MACROD2: variants seen among roughly 807,000 people sequenced by gnomAD.
The protein encoded by MACROD2 is ADP-ribose glycohydrolase MACROD2.
A neutral mutation model predicts 70.4 loss-of-function variants in MACROD2; 36 were observed. The observed-to-expected ratio is 0.51, with a 90% CI of 0.39 to 0.68. The LOEUF is 0.68. MACROD2 is among the 30% of genes least tolerant of loss of function. The probability of loss-of-function intolerance (pLI) is 0.00; values close to 1 mark genes in which losing one functional copy is unlikely to be tolerated. For synonymous variants in MACROD2, 172 were observed against 178.8 expected (o/e 0.96, Z 0.30); for missense variants, 496 against 538.4 (o/e 0.92, Z 0.78).
rs2071216585 is a variant in MACROD2 at position 14,702,632 on chromosome 20, TA to T, written c.418+17674del. 4.9e-5 allele frequency among the ~76,000 whole-genome samples: 3 copies of T among 61,306 alleles called. No individual in the cohort carries two copies. The East Asian group carries it at 2.4e-3, about 50-fold the overall frequency. 40.2% of individuals were successfully genotyped at this position (61,306 alleles called of 152,430 possible). The stretch of plus-strand genomic sequence containing the variant: ...ATATGTGTATATATATATACATATA[TA>T]TATGTATATATATATACACATATAT... On this transcript the variant is annotated intron_variant, in intron 5 of 17. Transcript: ENST00000684519.
intron 16 of MACROD2, among the ~76,000 whole-genome samples, chr20:16,042,537 A>C (rs1052971589): frequency 3.3e-5 from 5 of 152,182 alleles, no homozygotes; most frequent in Admixed American, 1.3e-4. Flanking sequence ...AACAAGATTT[A>C]AAGTTGCTTT....
chr20:14,637,375 C>T (rs1478389608), intron 4 of MACROD2, among the ~76,000 whole-genome samples: 4 of 152,122 alleles, frequency 2.6e-5, no homozygotes, highest in African/African-American at 9.7e-5. Flanking sequence ...ATATATAACC[C>T]CTGTACAAGT....
At chr20:16,020,403 T>A (rs1035751757) in intron 15 of MACROD2, among the ~76,000 whole-genome samples, 6 of 151,672 alleles carry the variant, frequency 4.0e-5, no homozygotes. Context: ...ACTCTCTACC[T>A]CCCCTCCACC....
chr20:15,274,077 C>T (rs1490258885), intron 6 of MACROD2, among the ~76,000 whole-genome samples: 1 of 152,172 alleles, frequency 6.6e-6, no homozygotes, highest in Non-Finnish European at 1.5e-5. Context: ...AATGAAGCAG[C>T]ATTGCCTCAT....
chr20:15,222,514 C>G (rs1430798163), intron 5 of MACROD2, among the ~76,000 whole-genome samples: 2 of 152,090 alleles, frequency 1.3e-5, no homozygotes, highest in Non-Finnish European at 2.9e-5. Context: ...CTTTAGTGCT[C>G]AGTTTTGTGG....
rs1046243854 is a variant in MACROD2, at chr20:14,957,954, C to A, written c.419-271986C>A. 2.0e-4 allele frequency among the ~76,000 whole-genome samples: 31 copies of A among 151,962 alleles called. 1 individual carries two copies. The highest frequency in any genetic ancestry group is 2.6e-4 in the Admixed American group (4 of 15,254). On this transcript the variant is annotated intron_variant, in intron 5 of 17. Coordinates refer to ENST00000684519, the MANE Select transcript of MACROD2 (RefSeq NM_001351661.2). ...GGCTCATCCTTTGCTTTTCTCTGAC[C>A]ATATTCTATTAGGTTGGTGCAAAAA... is the stretch of plus-strand genomic sequence containing the variant.
chr20:14,665,664 A>T (rs1861127927), intron 4 of MACROD2, among the ~76,000 whole-genome samples: 1 of 152,012 alleles, frequency 6.6e-6, no homozygotes, highest in South Asian at 2.1e-4. Context: ...TATTGGAATA[A>T]TTTTCATACT....
chr20:15,146,683 C>T (rs1193651749), intron 5 of MACROD2, among the ~76,000 whole-genome samples: 3 of 152,020 alleles, frequency 2.0e-5, no homozygotes, highest in South Asian at 4.1e-4. Flanking sequence ...CTTTATATGA[C>T]GAACTTCATC....
At chr20:15,321,137 C>G (rs2077870291) in intron 6 of MACROD2, among the ~76,000 whole-genome samples, 1 of 104,006 alleles carries the variant, frequency 9.6e-6, no homozygotes, top group Non-Finnish European at 2.5e-5. Flanking sequence ...GGCCTTATGG[C>G]AAAGTCAGTT....
intron 4 of MACROD2, among the ~76,000 whole-genome samples, chr20:14,507,798 G>A (rs974072512): frequency 1.3e-5 from 2 of 152,188 alleles, no homozygotes; most frequent in South Asian, 4.1e-4. Flanking sequence ...TGCTGATGCT[G>A]CAGGGAACAA....
intron 8 of MACROD2, among the ~76,000 whole-genome samples, chr20:15,586,690 C>T (rs2048606922): frequency 6.6e-6 from 1 of 151,768 alleles, no homozygotes; most frequent in Non-Finnish European, 1.5e-5. Flanking sequence ...GAAAGAAAGC[C>T]CAGGAGAAGC....
At chr20:15,050,988 T>C (rs2075435311) in intron 5 of MACROD2, among the ~76,000 whole-genome samples, 1 of 152,182 alleles carries the variant, frequency 6.6e-6, no homozygotes, top group African/African-American at 2.4e-5. Context: ...TCCATTTGGT[T>C]ATACATGCTG....
chr20:14,437,562 C>G (rs960154072), intron 3 of MACROD2, among the ~76,000 whole-genome samples: 1 of 152,060 alleles, frequency 6.6e-6, no homozygotes, highest in Non-Finnish European at 1.5e-5. Context: ...CCATTGTACT[C>G]CAGCCTGGGT....
intron 5 of MACROD2, among the ~76,000 whole-genome samples, chr20:14,925,593 A>T (rs999498226): frequency 6.6e-6 from 1 of 152,184 alleles, no homozygotes; most frequent in Non-Finnish European, 1.5e-5. Context: ...CAGAAGGCTT[A>T]ACTTCTAAAG....
intron 5 of MACROD2, among the ~76,000 whole-genome samples, chr20:14,747,124 C>T (rs1049730142): frequency 3.3e-5 from 5 of 152,158 alleles, no homozygotes; most frequent in East Asian, 1.9e-4. Context: ...ATAAAGGTAG[C>T]GTGCTTTGCC....
intron 5 of MACROD2, among the ~76,000 whole-genome samples, chr20:14,789,616 C>A (rs1399379344): frequency 6.6e-6 from 1 of 151,410 alleles, no homozygotes; most frequent in African/African-American, 2.4e-5. Context: ...GCTGAGATTA[C>A]AGGAAGTAGC....
At chr20:15,641,200 CT>C (rs1359983942) in intron 8 of MACROD2, among the ~76,000 whole-genome samples, 5 of 152,206 alleles carry the variant, frequency 3.3e-5, no homozygotes, top group Non-Finnish European at 7.3e-5. Context: ...ACCATGCCTC[CT>C]CTTGCCTCAT....
chr20:14,889,194 G>A (rs1013014145), intron 5 of MACROD2, among the ~76,000 whole-genome samples: 9 of 151,946 alleles, frequency 5.9e-5, no homozygotes, highest in African/African-American at 1.9e-4. Context: ...GCCTTATTTT[G>A]TTTATGTAAT....
chr20:14,062,805 A>C (rs571019473), intron 2 of MACROD2, among the ~76,000 whole-genome samples: 1 of 152,336 alleles, frequency 6.6e-6, no homozygotes, highest in African/African-American at 2.4e-5. Context: ...ATTAAGGAAA[A>C]TACAGAATCT....
Sources: allele counts gnomAD v4.1 joint callset (sites outside exome capture counted in the v4.1 genomes callset), GRCh38; gene constraint gnomAD v4.1.1; transcripts MANE v1.5; gene names NCBI Gene and HGNC (gene_info 2026-07-23, HGNC 2026-07-21).